TCP1: variants seen among roughly 807,000 people sequenced by gnomAD.
The protein encoded by TCP1 is T-complex protein 1 subunit alpha.
A neutral mutation model predicts 54.7 loss-of-function variants in TCP1; 6 were observed. The ratio of observed to expected loss-of-function variants is 0.11; its 90% CI spans 0.06 to 0.22. The LOEUF is 0.22. TCP1 is among the 10% of genes least tolerant of loss of function. The probability of loss-of-function intolerance (pLI) is 1.00; values close to 1 mark genes in which losing one functional copy is unlikely to be tolerated. For synonymous variants in TCP1, 225 were observed against 229.7 expected, an observed-to-expected ratio of 0.98 and a Z score of 0.19; for missense variants, 511 against 678.2, an observed-to-expected ratio of 0.75 and a Z score of 2.74.
At chr6:159,789,079 G>A in intron 1 of TCP1, 1 of 373,608 alleles carries the variant, frequency 2.7e-6, no homozygotes. Context: ...GAAACAAAAG[G>A]GGGTGCGAGG....
intron 3 of TCP1, 74 bp downstream of exon 3, chr6:159,787,669 C>A: frequency 6.5e-7 from 1 of 1,547,862 alleles, no homozygotes; most frequent in South Asian, 1.2e-5. Context: ...GCACAAATGA[C>A]CCACTTATGG....
chr6:159,781,330 A>G (rs775877839), intron 7 of TCP1, among the ~76,000 whole-genome samples: 3 of 152,232 alleles, frequency 2.0e-5, no homozygotes, highest in African/African-American at 7.2e-5. Flanking sequence ...ATTGAGAACT[A>G]TGGTTAAACA....
At chr6:159,784,926 G>A (rs1264616257) in intron 5 of TCP1, 79 bp from the exon 6 acceptor site, 1 of 1,406,674 alleles carries the variant, frequency 7.1e-7, no homozygotes, top group Non-Finnish European at 1.0e-6. Context: ...GTAATTTCAA[G>A]GGACTTCCTT....
At chr6:159,782,137 T>C (rs1475791858) in intron 7 of TCP1, among the ~76,000 whole-genome samples, 1 of 152,218 alleles carries the variant, frequency 6.6e-6, no homozygotes, top group Non-Finnish European at 1.5e-5. Flanking sequence ...TTGAAGTCTC[T>C]GCTGTTACTC....
Position 159,784,702 on chromosome 6 carries a change from T to C in TCP1, c.634A>G (p.Ser212Gly), listed in dbSNP as rs1360097667. ...ACCACACAGTTGAGTGCATAGCCACTGATGAGCATACTCTCCATTTGACTT... is the reference window on the plus strand; with the variant it reads ...ACCACACAGTTGAGTGCATAGCCACCGATGAGCATACTCTCCATTTGACTT... ...GRSQMESMLI[S>G]GYALNCVVGS... Residue 212 changes from serine to glycine, a missense_variant, in exon 6 of 12, where the codon AGT becomes GGT. Ser to Gly is a moderately conservative substitution (Grantham distance 56, BLOSUM62 0). This residue lies in a region of TCP1 where 305 missense variants were observed against 352.8 expected (regional missense o/e 0.86). Transcript: ENST00000321394. 1 of 1,614,174 alleles carries C rather than the reference T, an allele frequency of 6.2e-7. No individual in the cohort carries two copies.
Position 159,789,455 on chromosome 6 carries a change from A to C in TCP1, c.14T>G (p.Leu5Trp). 1.2e-6 allele frequency: 2 copies of C among 1,613,484 alleles called. No individual in the cohort carries two copies. Among genetic ancestry groups the C allele is most frequent in the Non-Finnish European group, 1.7e-6 (2 of 1,179,658 alleles). The stretch of plus-strand genomic sequence containing the variant: ...AGTGCTGCGGTCACCGAACACGGAC[A>C]AAGGCCCCTCCATCTTGACGGCAGC... MEGP[L>W]SVFGDRSTGE... Residue 5 changes from leucine to tryptophan, a missense_variant, in exon 1 of 12, where the codon TTG (leucine) becomes TGG (tryptophan). This residue lies in a region of TCP1 where 35 missense variants were observed against 32.7 expected (regional missense o/e 1.07). Coordinates refer to ENST00000321394, the MANE Select transcript of TCP1 (RefSeq NM_030752.3).
intron 6 of TCP1, among the ~76,000 whole-genome samples, chr6:159,784,340 T>C (rs188319719): frequency 6.6e-6 from 1 of 151,896 alleles, no homozygotes; most frequent in East Asian, 1.9e-4. Context: ...AGTCTCACTC[T>C]GTAGCCCAGG....
chr6:159,783,067 T>C (rs1190121356), intron 7 of TCP1, among the ~76,000 whole-genome samples: 4 of 151,980 alleles, frequency 2.6e-5, no homozygotes, highest in Non-Finnish European at 5.9e-5. Flanking sequence ...AGATGTACGA[T>C]AGGGAGTACC....
chr6:159,785,682 C>T, intron 4 of TCP1, 186 bp from the exon 5 acceptor site: 1 of 791,952 alleles, frequency 1.3e-6, no homozygotes, highest in Non-Finnish European at 2.3e-6. Context: ...ATCCCATAAG[C>T]ATAGCCACTA....
At position 159,786,108 on chromosome 6, in the gene TCP1, A is replaced by C. The variant is rs548167522; in HGVS notation, c.280-111T>G. On this transcript the variant is annotated intron_variant, in intron 3 of 11. Coordinates refer to ENST00000321394, the MANE Select transcript of TCP1 (RefSeq NM_030752.3). Reference sequence around the variant, plus strand: ...TTATTAACCAAAATGGTAGTGATGAAATGAATTAACTGGTTATTAGAAACC... The same window carrying C: ...TTATTAACCAAAATGGTAGTGATGACATGAATTAACTGGTTATTAGAAACC... 3 of 818,818 alleles carry C rather than the reference A, an allele frequency of 3.7e-6. No individual in the cohort carries two copies. In the East Asian group the frequency reaches 8.1e-5, roughly 22 times the overall value. 50.7% of individuals were successfully genotyped at this position (818,818 alleles called of 1,614,324 possible).
At chr6:159,788,262 A>G (rs1256386814) in intron 1 of TCP1, 119 bp from the exon 2 acceptor site, 6 of 911,780 alleles carry the variant, frequency 6.6e-6, no homozygotes, top group Non-Finnish European at 1.0e-5. Context: ...CAAATCTACA[A>G]ATCTGTGTTA....
intron 6 of TCP1, 93 bp downstream of exon 6, chr6:159,784,573 G>T: frequency 1.5e-6 from 2 of 1,357,364 alleles, no homozygotes; most frequent in Non-Finnish European, 2.0e-6. Flanking sequence ...CAAAGTGCTG[G>T]GATTACAGGC....
At chr6:159,779,841 G>T (rs890498635) in intron 10 of TCP1, 51 bp from the exon 11 acceptor site, 43 of 1,584,612 alleles carry the variant, frequency 2.7e-5, no homozygotes, top group Non-Finnish European at 3.6e-5. Context: ...AAAAAAAATT[G>T]AAGTCCACAG....
chr6:159,782,428 G>C (rs1281859545), intron 7 of TCP1, among the ~76,000 whole-genome samples: 1 of 152,020 alleles, frequency 6.6e-6, no homozygotes, highest in Non-Finnish European at 1.5e-5. Context: ...GAAGAAGAAA[G>C]AAAAGCTTCT....
chr6:159,778,809 ATG>A lies in TCP1; in HGVS notation c.*234_*235del. 6.2e-7 allele frequency: 1 copy of A among 1,614,214 alleles called. No individual in the cohort carries two copies. Among genetic ancestry groups the A allele is most frequent in the East Asian group, 2.2e-5 (1 of 44,876 alleles). On this transcript the variant is annotated 3_prime_UTR_variant, in exon 12 of 12. Coordinates refer to ENST00000321394, the MANE Select transcript of TCP1 (RefSeq NM_030752.3). Reference sequence around the variant, plus strand: ...CATTGGGGGTGGGATGGGAATAGCAATGTGTGTTCAGAGAGAATGAATTGCTT... The same window carrying A: ...CATTGGGGGTGGGATGGGAATAGCAATGTGTTCAGAGAGAATGAATTGCTT...
rs1343890251 is a variant in TCP1, at chr6:159,783,970, G to T, written c.768C>A (p.Asp256Glu). The T allele has an allele frequency of 6.2e-7, 1 of 1,611,404 alleles. No homozygotes were observed. The highest frequency in any genetic ancestry group is 1.3e-5 in the African/African-American group (1 of 74,800). ...MKLGVQVVIT[D>E]PEKLDQIRQR... ...GTCTAATTTGGTCCAGTTTTTCAGG[G>T]TCTGTAATGACCACCTGTACACCAA... Residue 256 changes from aspartate (D) to glutamate (E), a missense_variant, in exon 7 of 12, where the codon GAC becomes GAA. Asp to Glu is a conservative substitution (Grantham distance 45, BLOSUM62 2). Transcript: ENST00000321394.
At chr6:159,782,705 A>C (rs997246367) in intron 7 of TCP1, among the ~76,000 whole-genome samples, 4 of 152,224 alleles carry the variant, frequency 2.6e-5, no homozygotes, top group African/African-American at 9.6e-5. Flanking sequence ...AAAGCATTCT[A>C]CTAGATAGAG....
Position 159,783,986 on chromosome 6 carries a change from T to A in TCP1, c.752A>T (p.Gln251Leu), listed in dbSNP as rs371717715. Residue 251 changes from glutamine to leucine, a missense_variant, in exon 7 of 12, where the codon CAG (glutamine) becomes CTG (leucine). Gln to Leu is a moderately radical substitution (Grantham distance 113, BLOSUM62 -2). Transcript: ENST00000321394. ...TTTTTCAGGGTCTGTAATGACCACC[T>A]GTACACCAAGCTTCATTTTTGTTTT... ...LQKTKMKLGVQVVITDPEKLD... is the reference protein window; with the variant it reads ...LQKTKMKLGVLVVITDPEKLD... 8.7e-6 allele frequency: 14 copies of A among 1,612,992 alleles called. No individual in the cohort carries two copies. The highest frequency in any genetic ancestry group is 1.2e-5 in the Non-Finnish European group (14 of 1,179,988).
chr6:159,780,003 A>G lies in TCP1; in HGVS notation c.1182T>C (p.Asp394=). The G allele has an allele frequency of 1.2e-6, 2 of 1,614,174 alleles. No homozygotes were observed. Among genetic ancestry groups the G allele is most frequent in the Non-Finnish European group, 1.7e-6 (2 of 1,180,028 alleles). Reference sequence around the variant, plus strand: ...AAACTCTCTTCACTACACAAAGTGCATCATGTAAAGAGCGCTCCATCTCAT... The same window carrying G: ...AAACTCTCTTCACTACACAAAGTGCGTCATGTAAAGAGCGCTCCATCTCAT... ...MCDEMERSLH[D]ALCVVKRVLE... is the part of the protein sequence containing the mutation. Residue 394 remains aspartate (D), a synonymous_variant, in exon 10 of 12, where the codon GAT becomes GAC. Transcript: ENST00000321394.
Sources: allele counts gnomAD v4.1 joint callset (sites outside exome capture counted in the v4.1 genomes callset), GRCh38; gene constraint gnomAD v4.1.1; regional missense constraint gnomAD v4.1.1; transcripts MANE v1.5; gene names NCBI Gene and HGNC (gene_info 2026-07-23, HGNC 2026-07-21).